GABRA2: variants seen among roughly 807,000 people sequenced by gnomAD.
GABRA2 encodes the protein gamma-aminobutyric acid type A receptor subunit alpha2.
Under a neutral mutation model 48.7 loss-of-function variants are expected in GABRA2, and 16 were observed. The ratio of observed to expected loss-of-function variants is 0.33; its 90% CI spans 0.22 to 0.50. GABRA2 has a LOEUF of 0.50. GABRA2 is among the 20% of genes least tolerant of loss of function. GABRA2 has a pLI of 0.98. For missense variants in GABRA2, 275 were observed against 535.6 expected, an observed-to-expected ratio of 0.51 and a Z score of 4.80; for synonymous variants, 185 against 184.5, an observed-to-expected ratio of 1.00 and a Z score of -0.02.
At chr4:46,282,524 T>A (rs985551674) in intron 8 of GABRA2, among the ~76,000 whole-genome samples, 1 of 152,210 alleles carries the variant, frequency 6.6e-6, no homozygotes. Context: ...CACACTAGCA[T>A]AATTTGCTTA....
intron 4 of GABRA2, among the ~76,000 whole-genome samples, chr4:46,321,905 T>C (rs1201936196): frequency 2.6e-5 from 4 of 151,976 alleles, no homozygotes; most frequent in South Asian, 2.1e-4. Context: ...AAGAATGCCA[T>C]TGGAGAATAA....
intron 8 of GABRA2, among the ~76,000 whole-genome samples, chr4:46,267,840 C>T (rs191592470): frequency 6.6e-6 from 1 of 152,028 alleles, no homozygotes; most frequent in East Asian, 1.9e-4. Context: ...TTAATATTCT[C>T]CAAAATCTGA....
intron 8 of GABRA2, 98 bp downstream of exon 8, chr4:46,303,362 T>C: frequency 8.2e-7 from 1 of 1,213,506 alleles, no homozygotes; most frequent in Non-Finnish European, 1.2e-6. Context: ...CCGCCCCACC[T>C]ACTACAAATA....
intron 3 of GABRA2, among the ~76,000 whole-genome samples, chr4:46,377,222 T>C (rs1283604754): frequency 6.8e-6 from 1 of 146,260 alleles, no homozygotes; most frequent in African/African-American, 2.6e-5. Context: ...GGAGCCCCTC[T>C]TCCTGGCTGC....
intron 3 of GABRA2, among the ~76,000 whole-genome samples, chr4:46,361,589 A>C (rs186351617): frequency 1.3e-4 from 19 of 151,012 alleles, no homozygotes; most frequent in African/African-American, 4.7e-4. Context: ...TGGAGCCACC[A>C]AACAGAGTCG....
At chr4:46,358,797 C>T (rs1174462126) in intron 3 of GABRA2, among the ~76,000 whole-genome samples, 3 of 152,106 alleles carry the variant, frequency 2.0e-5, no homozygotes, top group Non-Finnish European at 2.9e-5. Context: ...ACATGTTATG[C>T]CAGTTATGAT....
At chr4:46,386,709 TG>T (rs1176098725) in intron 2 of GABRA2, 1 of 154,990 alleles carries the variant, frequency 6.5e-6, no homozygotes, top group Non-Finnish European at 1.4e-5. Context: ...TTCCTTACTT[TG>T]GGTATACCTC....
chr4:46,289,879 T>TTTTATTTATTTA (rs1156253698), intron 8 of GABRA2, among the ~76,000 whole-genome samples: 3 of 128,354 alleles, frequency 2.3e-5, no homozygotes, highest in African/African-American at 1.4e-4. Context: ...TACCAGTTTA[T>TTTTATTTATTTA]TTTATTTATT....
At chr4:46,275,473 G>A (rs1720309022) in intron 8 of GABRA2, among the ~76,000 whole-genome samples, 1 of 152,082 alleles carries the variant, frequency 6.6e-6, no homozygotes, top group Non-Finnish European at 1.5e-5. Context: ...TGGCAGACCA[G>A]GGGTATCGCT....
At chr4:46,265,962 T>C (rs1718128159) in intron 8 of GABRA2, among the ~76,000 whole-genome samples, 1 of 152,020 alleles carries the variant, frequency 6.6e-6, no homozygotes, top group South Asian at 2.1e-4. Flanking sequence ...AATGTTTACA[T>C]ATGCAAATTT....
At chr4:46,371,910 G>T (rs1357474780) in intron 3 of GABRA2, among the ~76,000 whole-genome samples, 1 of 152,070 alleles carries the variant, frequency 6.6e-6, no homozygotes, top group Non-Finnish European at 1.5e-5. Context: ...TTTCCCCTGG[G>T]GTTGTAGGAC....
At chr4:46,377,212 G>C (rs1437922996) in intron 3 of GABRA2, among the ~76,000 whole-genome samples, 1 of 150,542 alleles carries the variant, frequency 6.6e-6, no homozygotes, top group Non-Finnish European at 1.5e-5. Context: ...TGGGATGTGA[G>C]GAGCCCCTCT....
chr4:46,315,421 G>A (rs1728384438), intron 4 of GABRA2, among the ~76,000 whole-genome samples: 1 of 151,886 alleles, frequency 6.6e-6, no homozygotes, highest in Admixed American at 6.6e-5. Flanking sequence ...TGTCCTAGGT[G>A]TGCCCTGCCA....
Position 46,388,702 on chromosome 4 carries a change from T to A in GABRA2, c.5A>T (p.Lys2Met), listed in dbSNP as rs202063015. ...CATGTTGTAGATGTTCAATTTTGTC[T>A]TCATCACCGCCGCTCTTTACAAAGC... M[K>M]TKLNIYNMQF... The change falls in exon 2 of 10, where the codon AAG (lysine) becomes ATG (methionine). Residue 2 changes from lysine to methionine, a missense_variant. Transcript: ENST00000381620. The A allele has an allele frequency of 2.6e-5, 42 of 1,614,172 alleles. No individual in the cohort carries two copies. The African/African-American group carries it at 4.7e-4, about 18-fold the overall frequency.
At chr4:46,378,046 C>T (rs1405541724) in intron 3 of GABRA2, among the ~76,000 whole-genome samples, 2 of 218 alleles carry the variant, frequency 9.2e-3, no homozygotes, top group Non-Finnish European at 0.016. Context: ...GGGGTTCAGC[C>T]CCCCCACCCG....
intron 9 of GABRA2, among the ~76,000 whole-genome samples, chr4:46,252,473 C>G (rs1714967479): frequency 6.8e-6 from 1 of 147,370 alleles, no homozygotes; most frequent in African/African-American, 2.4e-5. Context: ...TTTATTAACC[C>G]CATGATATAG....
intron 3 of GABRA2, among the ~76,000 whole-genome samples, chr4:46,333,552 A>G (rs1731725067): frequency 1.3e-5 from 2 of 152,082 alleles, no homozygotes; most frequent in African/African-American, 4.8e-5. Context: ...AATAACATGA[A>G]TTGTTTTTTG....
At chr4:46,354,197 C>T (rs1735611663) in intron 3 of GABRA2, among the ~76,000 whole-genome samples, 1 of 152,036 alleles carries the variant, frequency 6.6e-6, no homozygotes, top group Non-Finnish European at 1.5e-5. Context: ...TGTTACTTGC[C>T]CAAGGTTACA....
intron 3 of GABRA2, chr4:46,367,517 A>C (rs1714226939): frequency 6.6e-6 from 1 of 152,114 alleles, no homozygotes; most frequent in African/African-American, 2.4e-5. Flanking sequence ...TTCAACTGGA[A>C]CTATGCCTTC....
Sources: gnomAD v4.1 joint callset for allele counts (sites outside exome capture counted in the v4.1 genomes callset) on GRCh38, gnomAD v4.1.1 for gene constraint, MANE v1.5 for transcripts, NCBI Gene and HGNC (gene_info 2026-07-23, HGNC 2026-07-21) for gene names.